The following MACF1 variants were observed in gnomAD, a reference collection of about 807,000 sequenced individuals.
MACF1 encodes the protein microtubule actin crosslinking factor 1.
MACF1 carries 193 observed loss-of-function variants against 854.8 expected under a neutral mutation model. The ratio of observed to expected loss-of-function variants is 0.23; its 90% confidence interval spans 0.20 to 0.25. The LOEUF (loss-of-function observed/expected upper bound fraction) is 0.25, where lower values mean the gene tolerates loss of function less well. MACF1 is among the 10% of genes least tolerant of loss of function. The probability of loss-of-function intolerance (pLI) is 1.00; values close to 1 mark genes in which losing one functional copy is unlikely to be tolerated. For missense variants in MACF1, 7,722 were observed against 8,929.1 expected (o/e 0.86, Z 5.45); for synonymous variants, 3,185 against 3,226.7 (o/e 0.99, Z 0.44).
intron 49 of MACF1, among the ~76,000 whole-genome samples, chr1:39,366,387 G>A (rs965760784): frequency 3.3e-5 from 5 of 152,022 alleles, no homozygotes; most frequent in African/African-American, 1.2e-4. Context: ...AGGCTGGAGT[G>A]CAGTGGCATG....
chr1:39,423,140 A>G (rs1408094283), intron 60 of MACF1, among the ~76,000 whole-genome samples: 2 of 152,126 alleles, frequency 1.3e-5, no homozygotes, highest in African/African-American at 4.8e-5. Context: ...GTTCATCTAC[A>G]ATTTTGTGTT....
intron 44 of MACF1, among the ~76,000 whole-genome samples, chr1:39,355,744 G>A (rs1163878353): frequency 4.6e-5 from 7 of 152,060 alleles, no homozygotes; most frequent in South Asian, 2.1e-4. Flanking sequence ...GATTATAGGC[G>A]TGAGCCACTG....
chr1:39,100,883 ATAAAG>A (rs992581110), intron 2 of MACF1, among the ~76,000 whole-genome samples: 23 of 151,986 alleles, frequency 1.5e-4, no homozygotes, highest in Middle Eastern at 6.8e-3. Context: ...ATTAAATTAA[ATAAAG>A]TAAACAAATA....
chr1:39,471,530 T>C (rs1435572684), intron 97 of MACF1, among the ~76,000 whole-genome samples: 3 of 152,224 alleles, frequency 2.0e-5, no homozygotes, highest in African/African-American at 7.2e-5. Context: ...TCAAACTGCA[T>C]GTAGCTTTTA....
At chr1:39,466,856 T>A (rs1255894163) in intron 95 of MACF1, among the ~76,000 whole-genome samples, 3 of 152,260 alleles carry the variant, frequency 2.0e-5, no homozygotes, top group African/African-American at 4.8e-5. Flanking sequence ...GTGGGACTTC[T>A]TTTATTTTCA....
chr1:39,273,376 C>T (rs1645368070), intron 6 of MACF1, among the ~76,000 whole-genome samples: 1 of 151,788 alleles, frequency 6.6e-6, no homozygotes, highest in Non-Finnish European at 1.5e-5. Context: ...AACACTGGGG[C>T]CTAGAAATGA....
At chr1:39,182,709 G>A (rs1199179782) in intron 2 of MACF1, among the ~76,000 whole-genome samples, 1 of 152,158 alleles carries the variant, frequency 6.6e-6, no homozygotes, top group African/African-American at 2.4e-5. Flanking sequence ...AAGAGAGTGA[G>A]GATGTGGAGA....
intron 22 of MACF1, among the ~76,000 whole-genome samples, chr1:39,302,359 A>T (rs115328404): frequency 3.7e-4 from 57 of 152,230 alleles, no homozygotes; most frequent in African/African-American, 1.3e-3. Flanking sequence ...AATATGTATT[A>T]TACAAAAGAA....
At chr1:39,298,773 T>C (rs1645977731) in intron 21 of MACF1, 1 of 376,186 alleles carries the variant, frequency 2.7e-6, no homozygotes, top group South Asian at 2.0e-5. Flanking sequence ...GTCTCTAAAA[T>C]GTCTCTCTCA....
intron 2 of MACF1, among the ~76,000 whole-genome samples, chr1:39,234,281 G>T (rs1644824669): frequency 6.6e-6 from 1 of 151,956 alleles, no homozygotes; most frequent in South Asian, 2.1e-4. Flanking sequence ...TGTCATCCTG[G>T]CCCGTTCTCA....
rs571753127 is a variant in MACF1, at chr1:39,455,450, A to G, written c.21075+353A>G. 5.6e-4 allele frequency among the ~76,000 whole-genome samples: 85 copies of G among 152,332 alleles called. 1 individual carries two copies. Among genetic ancestry groups the G allele is most frequent in the African/African-American group, 2.0e-3 (85 of 41,578 alleles). ...TCTACTTTCTTGCTGGCTCTCAGCT[A>G]GGAGTTGCTCTTGCCTTCTAGAGGC... On this transcript the variant is annotated intron_variant, in intron 89 of 100. Transcript: ENST00000564288.
chr1:39,254,392 C>G lies in MACF1; in HGVS notation c.435+17C>G, dbSNP rs748526993. Reference sequence around the variant, plus strand: ...CAGCGACAGGTAAGACCATCACATGCCTTCCCCATTCTTCCAGGCTGTGTT... The same window carrying G: ...CAGCGACAGGTAAGACCATCACATGGCTTCCCCATTCTTCCAGGCTGTGTT... On this transcript the variant is annotated intron_variant, in intron 5 of 100. Transcript: ENST00000564288. The G allele has an allele frequency of 1.4e-5, 22 of 1,611,442 alleles. No individual in the cohort carries two copies. Among genetic ancestry groups the G allele is most frequent in the Non-Finnish European group, 1.7e-5 (20 of 1,177,710 alleles).
At chr1:39,479,635 GCTGATGTGT>G (rs1271723281) in intron 97 of MACF1, among the ~76,000 whole-genome samples, 154 bp from the exon 98 acceptor site, 5 of 152,128 alleles carry the variant, frequency 3.3e-5, no homozygotes, top group Non-Finnish European at 7.4e-5. Flanking sequence ...CCTTGACAAG[GCTGATGTGT>G]CATGAATTTA....
chr1:39,199,014 C>T (rs1644356540), intron 2 of MACF1, among the ~76,000 whole-genome samples: 1 of 151,946 alleles, frequency 6.6e-6, no homozygotes. Context: ...GAGATGGAGT[C>T]TCGCTCTGTC....
intron 68 of MACF1, among the ~76,000 whole-genome samples, chr1:39,433,412 C>T (rs773423887): frequency 1.6e-4 from 24 of 152,206 alleles, no homozygotes; most frequent in Non-Finnish European, 3.2e-4. Context: ...TACTTATCCT[C>T]ACTCCACAGG....
In MACF1 at chr1:39,424,006, C is replaced by T. The variant is rs7541503; in HGVS notation, c.16150-22C>T. 1.7e-3 allele frequency: 2,672 copies of T among 1,580,468 alleles called. 45 individuals are homozygous for T. In the African/African-American group the frequency reaches 0.032, roughly 19 times the overall value. ...ATTTCAAAATGATCCTGTGTTACAG[C>T]TTTTCATTCTCTTTATAATAGTTGC... On this transcript the variant is annotated intron_variant, in intron 60 of 100. Transcript: ENST00000564288.
At chr1:39,414,014 C>T (rs748606998) in intron 58 of MACF1, 3 of 1,608,670 alleles carry the variant, frequency 1.9e-6, no homozygotes, top group Non-Finnish European at 2.5e-6. Flanking sequence ...GCAGTGCCCA[C>T]CCTAGAGGAA....
At position 39,340,721 on chromosome 1, in the gene MACF1, G is replaced by T. The variant is rs200726384; in HGVS notation, c.10431+4G>T. The T allele has an allele frequency of 3.6e-5, 58 of 1,613,574 alleles. No homozygotes were observed. Among genetic ancestry groups the T allele is most frequent in the Admixed American group, 5.0e-5 (3 of 59,926 alleles). On this transcript the variant is annotated splice_donor_region_variant and intron_variant, in intron 39 of 100. Transcript: ENST00000564288. ...GAATGCTGTGGAAATAGAAAAGGTA[G>T]CATTTTGCTTTTATTCATAAAGGCT...
At chr1:39,175,974 GTGACGGGCAC>G (rs1404236259) in intron 2 of MACF1, among the ~76,000 whole-genome samples, 1,535 of 149,686 alleles carry the variant, frequency 0.01, 6 homozygotes, top group Non-Finnish European at 0.016. Flanking sequence ...GCCAGGTGTG[GTGACGGGCAC>G]CTGTAGTCCC....
Sources: gnomAD v4.1 joint callset for allele counts (sites outside exome capture counted in the v4.1 genomes callset) on GRCh38, gnomAD v4.1.1 for gene constraint, MANE v1.5 for transcripts, NCBI Gene and HGNC (gene_info 2026-07-23, HGNC 2026-07-21) for gene names.